The following CHODL variants were observed in gnomAD, a reference collection of about 807,000 sequenced individuals.
The protein encoded by CHODL is chondrolectin, also known as transmembrane protein MT75.
In CHODL, 29 loss-of-function variants were observed where a neutral mutation model predicts 34.5. The observed-to-expected ratio is 0.84, with a 90% CI of 0.63 to 1.15. CHODL has a LOEUF of 1.15. Among genes scored for constraint, CHODL ranks in the 50% most tolerant of loss-of-function variants. The pLI is 0.00. For missense variants in CHODL, 332 were observed against 332.5 expected, an observed-to-expected ratio of 1.00 and a Z score of 0.01; for synonymous variants, 125 against 116.1, an observed-to-expected ratio of 1.08 and a Z score of -0.49.
rs186251448 is a variant in CHODL, at chr21:18,132,642, A to G, written c.-45+104671A>G. Among the ~76,000 whole-genome samples, 19 of 152,296 alleles carry G rather than the reference A, an allele frequency of 1.2e-4. 1 individual carries two copies. Among genetic ancestry groups the G allele is most frequent in the Admixed American group, 3.9e-4 (6 of 15,286 alleles). On this transcript the variant is annotated intron_variant, in intron 2 of 6. Transcript: ENST00000400127. Reference sequence around the variant, plus strand: ...AGAGAATTGCTGTTACATTCTCAGCATAGGAGCACCTTACCTGATTCATGA... The same window carrying G: ...AGAGAATTGCTGTTACATTCTCAGCGTAGGAGCACCTTACCTGATTCATGA...
At position 17,996,108 on chromosome 21, in the gene CHODL, A is replaced by C. The variant is rs182115416; in HGVS notation, c.-144-31764A>C. Among the ~76,000 whole-genome samples the C allele has an allele frequency of 6.6e-5, 10 of 151,834 alleles. No homozygotes were observed. The East Asian group carries it at 1.9e-3, about 29-fold the overall frequency. ...TTTTTTGCAAAGGCTCATTTTACCT[A>C]TGGTCACATGCTTCCCATCCTTGAG... On this transcript the variant is annotated intron_variant, in intron 1 of 6. Coordinates refer to the CHODL transcript ENST00000400127.
chr21:18,202,916 C>T (rs747452735), intron 2 of CHODL, among the ~76,000 whole-genome samples: 2 of 152,066 alleles, frequency 1.3e-5, no homozygotes, highest in East Asian at 1.9e-4. Flanking sequence ...GCCAGCTTAT[C>T]GTTCAATGTC....
At chr21:18,212,276 C>T (rs1257659658) in intron 2 of CHODL, among the ~76,000 whole-genome samples, 1 of 152,058 alleles carries the variant, frequency 6.6e-6, no homozygotes, top group African/African-American at 2.4e-5. Flanking sequence ...TGTCTGAAGC[C>T]ACCATAATTG....
At position 18,253,293 on chromosome 21, in the gene CHODL, A is replaced by G. The variant is rs566180247; in HGVS notation, c.80-3216A>G. Among the ~76,000 whole-genome samples, 73 of 151,978 alleles carry G rather than the reference A, an allele frequency of 4.8e-4. 1 individual carries two copies. The highest frequency in any genetic ancestry group is 1.4e-3 in the African/African-American group (58 of 41,334). On this transcript the variant is annotated intron_variant, in intron 1 of 5. Coordinates refer to ENST00000299295, the MANE Select transcript of CHODL (RefSeq NM_024944.3). Reference sequence around the variant, plus strand: ...CATATAACAAACTTTTTACTCACTGAAAGGTCTGGCTATTCTGTTTTGTTT... The same window carrying G: ...CATATAACAAACTTTTTACTCACTGGAAGGTCTGGCTATTCTGTTTTGTTT...
At chr21:18,016,694 A>G (rs1016491615) in intron 1 of CHODL, among the ~76,000 whole-genome samples, 2 of 152,184 alleles carry the variant, frequency 1.3e-5, no homozygotes, top group Admixed American at 6.5e-5. Flanking sequence ...AGAACCCAGG[A>G]TGGTAGATCC....
chr21:18,086,041 CTTTTTTTTTTTTT>C (rs3984977), intron 2 of CHODL, among the ~76,000 whole-genome samples: 440 of 38,790 alleles, frequency 0.011, 7 homozygotes, highest in African/African-American at 0.036. Context: ...AGACTTTGTT[CTTTTTTTTTTTTT>C]TTTTTTTTTT....
intron 2 of CHODL, among the ~76,000 whole-genome samples, chr21:18,238,106 T>C (rs1449636971): frequency 6.6e-6 from 1 of 152,104 alleles, no homozygotes; most frequent in Non-Finnish European, 1.5e-5. Context: ...TTTATGATTG[T>C]CCTAAAGCTT....
intron 2 of CHODL, among the ~76,000 whole-genome samples, chr21:18,189,351 T>C (rs534270957): frequency 6.6e-6 from 1 of 152,278 alleles, no homozygotes; most frequent in Non-Finnish European, 1.5e-5. Flanking sequence ...TAAAAAATCA[T>C]TTTTTTGAAT....
chr21:18,071,729 TAC>T (rs1426417990), intron 2 of CHODL, among the ~76,000 whole-genome samples: 8 of 149,010 alleles, frequency 5.4e-5, no homozygotes, highest in African/African-American at 1.8e-4. Flanking sequence ...CTATTTCTAT[TAC>T]ATTTCTATTT....
At chr21:18,224,468 T>C (rs2073913153) in intron 2 of CHODL, among the ~76,000 whole-genome samples, 2 of 152,212 alleles carry the variant, frequency 1.3e-5, no homozygotes, top group African/African-American at 4.8e-5. Context: ...AAAACTACAA[T>C]ATTCAGTGTG....
At chr21:17,973,302 A>C (rs527262068) in intron 1 of CHODL, among the ~76,000 whole-genome samples, 117 of 152,330 alleles carry the variant, frequency 7.7e-4, no homozygotes, top group Middle Eastern at 3.4e-3. Context: ...GGATCTAATT[A>C]AACTAAAGAG....
chr21:17,963,072 AAAATAATAAT>A (rs1244740758), intron 1 of CHODL, among the ~76,000 whole-genome samples: 2 of 117,756 alleles, frequency 1.7e-5, no homozygotes, highest in Non-Finnish European at 3.5e-5. Context: ...TCAAAAAAAA[AAAATAATAAT>A]AATAATAATA....
At chr21:18,195,551 T>C (rs1183318439) in intron 2 of CHODL, among the ~76,000 whole-genome samples, 2 of 152,188 alleles carry the variant, frequency 1.3e-5, no homozygotes, top group Non-Finnish European at 2.9e-5. Flanking sequence ...GTAATTGGGA[T>C]CATGTGGTAT....
intron 1 of CHODL, among the ~76,000 whole-genome samples, chr21:17,991,519 TTC>T (rs1249728158): frequency 1.3e-5 from 2 of 152,116 alleles, no homozygotes; most frequent in African/African-American, 4.8e-5. Context: ...GAGATGGTAT[TTC>T]ATTGTGGCTT....
At chr21:18,148,108 A>G (rs563358973) in intron 2 of CHODL, among the ~76,000 whole-genome samples, 61 of 152,318 alleles carry the variant, frequency 4.0e-4, no homozygotes, top group African/African-American at 1.5e-3. Flanking sequence ...ACAGGATGAT[A>G]ATAGCAATGA....
intron 2 of CHODL, among the ~76,000 whole-genome samples, chr21:18,072,742 C>A (rs970952827): frequency 6.6e-6 from 1 of 151,982 alleles, no homozygotes; most frequent in African/African-American, 2.4e-5. Flanking sequence ...AAGAACATAA[C>A]CTTGGCAGAT....
chr21:18,068,002 A>G (rs190116585), intron 2 of CHODL, among the ~76,000 whole-genome samples: 2 of 152,144 alleles, frequency 1.3e-5, no homozygotes, highest in African/African-American at 4.8e-5. Flanking sequence ...CAAGTCTTCC[A>G]TCTTTCTCTT....
At chr21:18,227,713 G>T (rs1249187986) in intron 2 of CHODL, among the ~76,000 whole-genome samples, 1 of 152,024 alleles carries the variant, frequency 6.6e-6, no homozygotes, top group Non-Finnish European at 1.5e-5. Context: ...ATACACACAG[G>T]ATAGTTAATG....
chr21:18,141,719 A>G (rs2072805304), intron 2 of CHODL, among the ~76,000 whole-genome samples: 2 of 135,298 alleles, frequency 1.5e-5, no homozygotes, highest in Non-Finnish European at 3.0e-5. Context: ...TTGAGAAAGA[A>G]CAGGAAAAAA....
Sources: gnomAD v4.1 joint callset for allele counts (sites outside exome capture counted in the v4.1 genomes callset) on GRCh38, gnomAD v4.1.1 for gene constraint, MANE v1.5 for transcripts, NCBI Gene and HGNC (gene_info 2026-07-23, HGNC 2026-07-21) for gene names.